METTL15: variants seen among roughly 807,000 people sequenced by gnomAD.
METTL15 encodes the protein 12S rRNA N(4)-cytidine methyltransferase METTL15.
METTL15 carries 34 observed loss-of-function variants against 38.3 expected under a neutral mutation model. The ratio of observed to expected loss-of-function variants is 0.89; its 90% CI spans 0.68 to 1.18. METTL15 has a LOEUF of 1.18. METTL15 is among the 50% of genes most tolerant of loss of function. METTL15 has a pLI of 0.00. For synonymous variants in METTL15, 162 were observed against 170.9 expected, an observed-to-expected ratio of 0.95 and a Z score of 0.41; for missense variants, 438 against 498.4, an observed-to-expected ratio of 0.88 and a Z score of 1.15.
At chr11:28,384,732 T>C (rs1564914887) in intron 5 of METTL15, among the ~76,000 whole-genome samples, 1 of 152,160 alleles carries the variant, frequency 6.6e-6, no homozygotes, top group African/African-American at 2.4e-5. Flanking sequence ...ATTTCCACAA[T>C]GTTTGAACTA....
chr11:28,290,559 G>C (rs999933238), intron 5 of METTL15, among the ~76,000 whole-genome samples, 162 bp downstream of exon 5: 1 of 152,048 alleles, frequency 6.6e-6, no homozygotes, highest in Non-Finnish European at 1.5e-5. Context: ...ATACACATCA[G>C]TATTTCTCTG....
intron 3 of METTL15, among the ~76,000 whole-genome samples, chr11:28,133,738 G>A (rs950248705): frequency 3.3e-5 from 5 of 152,116 alleles, no homozygotes; most frequent in Admixed American, 2.0e-4. Flanking sequence ...CCCAGTGGTT[G>A]AGCAGTCTTG....
intron 6 of METTL15, among the ~76,000 whole-genome samples, chr11:28,504,916 T>G (rs989261187): frequency 6.6e-6 from 1 of 152,202 alleles, no homozygotes; most frequent in Non-Finnish European, 1.5e-5. Context: ...GGAGCCTTGC[T>G]TAGGAGGCAG....
intron 5 of METTL15, among the ~76,000 whole-genome samples, chr11:28,378,976 C>T (rs1258592182): frequency 6.6e-6 from 1 of 151,820 alleles, no homozygotes; most frequent in African/African-American, 2.4e-5. Flanking sequence ...AGGACTTTTC[C>T]ATTTTTCCTA....
intron 5 of METTL15, among the ~76,000 whole-genome samples, chr11:28,399,532 C>T (rs1347945613): frequency 6.6e-6 from 1 of 151,888 alleles, no homozygotes; most frequent in Non-Finnish European, 1.5e-5. Context: ...TTTAAACAAT[C>T]ATTTATCTTC....
At chr11:28,188,429 T>G (rs1014355727) in intron 3 of METTL15, among the ~76,000 whole-genome samples, 2 of 151,310 alleles carry the variant, frequency 1.3e-5, no homozygotes, top group African/African-American at 4.8e-5. Context: ...ATTCATTTAC[T>G]GAAATTTTAT....
At chr11:28,378,510 C>T (rs1020240302) in intron 5 of METTL15, among the ~76,000 whole-genome samples, 47 of 152,198 alleles carry the variant, frequency 3.1e-4, no homozygotes, top group African/African-American at 8.7e-4. Context: ...CGCCCTGCTT[C>T]GGCTCGTGCA....
At chr11:28,367,494 A>G (rs1035634080) in intron 5 of METTL15, among the ~76,000 whole-genome samples, 1 of 152,206 alleles carries the variant, frequency 6.6e-6, no homozygotes, top group African/African-American at 2.4e-5. Context: ...ATAAGGATAC[A>G]AACAAATGGA....
chr11:28,341,716 A>G (rs1348467475), intron 3 of METTL15, among the ~76,000 whole-genome samples: 1 of 152,188 alleles, frequency 6.6e-6, no homozygotes, highest in East Asian at 1.9e-4. Context: ...TAGTTTGTCA[A>G]ATAGGCTAAA....
Position 28,332,691 on chromosome 11 carries a change from C to G in METTL15, c.*1850C>G, listed in dbSNP as rs1343561611. ...AAGATAGGGCGGGCATGGTGGCTCACGCCTGTAATCCCAGCACTGTGGGAG... is the reference window on the plus strand; with the variant it reads ...AAGATAGGGCGGGCATGGTGGCTCAGGCCTGTAATCCCAGCACTGTGGGAG... On this transcript the variant is annotated 3_prime_UTR_variant, in exon 7 of 7. Transcript: ENST00000407364. 6.6e-6 allele frequency: 1 copy of G among 151,132 alleles called. No individual in the cohort carries two copies. The highest frequency in any genetic ancestry group is 1.5e-5 in the Non-Finnish European group (1 of 67,944). 9.4% of individuals were successfully genotyped at this position (151,132 alleles called of 1,614,324 possible).
At chr11:28,480,434 ATGT>A (rs1368502744) in intron 6 of METTL15, among the ~76,000 whole-genome samples, 5 of 152,194 alleles carry the variant, frequency 3.3e-5, no homozygotes, top group Admixed American at 2.6e-4. Flanking sequence ...GTATTTATTG[ATGT>A]TGTTTTTAAT....
intron 3 of METTL15, among the ~76,000 whole-genome samples, chr11:28,191,190 A>T (rs1006044639): frequency 6.6e-6 from 1 of 151,446 alleles, no homozygotes; most frequent in Admixed American, 6.6e-5. Flanking sequence ...TTTATTTAAA[A>T]TTTTTATTTA....
At chr11:28,529,347 C>T (rs567008608), downstream of METTL15, among the ~76,000 whole-genome samples, 2 of 152,154 alleles carry the variant, frequency 1.3e-5, no homozygotes, top group East Asian at 1.9e-4. Flanking sequence ...GCATGCAGTT[C>T]ATCAGCTTCA....
At position 28,111,386 on chromosome 11, in the gene METTL15, C is replaced by T. The variant is rs989449909; in HGVS notation, c.-18+985C>T. Among the ~76,000 whole-genome samples, 17 of 152,040 alleles carry T rather than the reference C, an allele frequency of 1.1e-4. 1 individual carries two copies. The highest frequency in any genetic ancestry group is 3.9e-4 in the African/African-American group (16 of 41,374). ...TCTGGACATATAGGGTAGGTTGTTC[C>T]AGAGTTCACTTTTTAGGCGTATACA... is the stretch of plus-strand genomic sequence containing the variant. On this transcript the variant is annotated intron_variant, in intron 2 of 6. Coordinates refer to ENST00000407364, the MANE Select transcript of METTL15 (RefSeq NM_001113528.2).
chr11:28,424,438 A>G (rs1305458188), intron 6 of METTL15: 1 of 152,170 alleles, frequency 6.6e-6, no homozygotes. Context: ...AAAAGGGTAG[A>G]GAAGGCAGAT....
chr11:28,353,180 C>G (rs1850057095), intron 4 of METTL15, among the ~76,000 whole-genome samples: 1 of 151,930 alleles, frequency 6.6e-6, no homozygotes, highest in Admixed American at 6.6e-5. Context: ...GAGAAGAGCC[C>G]CAGAAGTATG....
At chr11:28,117,839 C>A (rs1394875210) in intron 3 of METTL15, among the ~76,000 whole-genome samples, 1 of 152,084 alleles carries the variant, frequency 6.6e-6, no homozygotes, top group Non-Finnish European at 1.5e-5. Context: ...TCATTTTGTC[C>A]ATAATCCATT....
At chr11:28,351,207 G>A (rs558897354) in intron 3 of METTL15, among the ~76,000 whole-genome samples, 1 of 152,090 alleles carries the variant, frequency 6.6e-6, no homozygotes, top group South Asian at 2.1e-4. Context: ...CACTTCCCGG[G>A]TTCAAGCTAT....
intron 6 of METTL15, among the ~76,000 whole-genome samples, chr11:28,510,555 G>C (rs1851665597): frequency 1.3e-5 from 2 of 152,000 alleles, no homozygotes; most frequent in South Asian, 4.1e-4. Context: ...AGTAGTATCA[G>C]TGAACAATTT....
Sources: allele counts gnomAD v4.1 joint callset (sites outside exome capture counted in the v4.1 genomes callset), GRCh38; gene constraint gnomAD v4.1.1; transcripts MANE v1.5; gene names NCBI Gene and HGNC (gene_info 2026-07-23, HGNC 2026-07-21).